PIK3C2G: variants seen among roughly 807,000 people sequenced by gnomAD.
PIK3C2G encodes phosphatidylinositol-4-phosphate 3-kinase catalytic subunit type 2 gamma.
Under a neutral mutation model 181.1 loss-of-function variants are expected in PIK3C2G, and 168 were observed. That is an observed-to-expected ratio of 0.93 (90% CI 0.82 to 1.05). PIK3C2G has a LOEUF of 1.05. Ranked by LOEUF, PIK3C2G falls within the 50% of genes least tolerant of loss-of-function variation. The probability of loss-of-function intolerance (pLI) is 0.00; values close to 1 mark genes in which losing one functional copy is unlikely to be tolerated. For synonymous variants in PIK3C2G, 573 were observed against 592.2 expected, an observed-to-expected ratio of 0.97 and a Z score of 0.47; for missense variants, 1,869 against 1,732.8, an observed-to-expected ratio of 1.08 and a Z score of -1.40.
Position 18,503,346 on chromosome 12 carries a change from G to A in PIK3C2G, c.3082G>A (p.Gly1028Arg). Residue 1028 changes from glycine to arginine, a missense_variant, in exon 23 of 33, where the codon GGA becomes AGA. Coordinates refer to ENST00000538779, the MANE Select transcript of PIK3C2G (RefSeq NM_001288772.2). ...AKIHRHSGLIGPLKENTIKKW... is the reference protein window; with the variant it reads ...AKIHRHSGLIRPLKENTIKKW... ...GATTCATCGCCATTCTGGACTGATA[G>A]GACCATTGAAAGAAAATACAATTAA... is the stretch of plus-strand genomic sequence containing the variant. The A allele has an allele frequency of 6.2e-7, 1 of 1,610,894 alleles. No homozygotes were observed. Among genetic ancestry groups the A allele is most frequent in the Non-Finnish European group, 8.5e-7 (1 of 1,177,546 alleles).
In PIK3C2G at chr12:18,399,696, C is replaced by T. The variant is rs200787716; in HGVS notation, c.2164C>T (p.Arg722Cys). Residue 722 changes from arginine (R) to cysteine (C), a missense_variant, in exon 16 of 33, where the codon CGC (arginine) becomes TGC (cysteine). Coordinates refer to ENST00000538779, the MANE Select transcript of PIK3C2G (RefSeq NM_001288772.2). ...EEKKRYLWFY[R>C]FYCNNENCSL... The stretch of plus-strand genomic sequence containing the variant: ...AAAGAAAAGATATTTATGGTTTTAT[C>T]GCTTCTACTGCAATAATGAAAACTG... The T allele has an allele frequency of 3.8e-6, 6 of 1,588,586 alleles. No individual in the cohort carries two copies. The highest frequency in any genetic ancestry group is 3.4e-5 in the Admixed American group (2 of 59,152).
At chr12:18,676,805 G>T in the PIK3C2G span, among the ~76,000 whole-genome samples, 1 of 152,136 alleles carries the variant, frequency 6.6e-6, no homozygotes. Context: ...AGAAGGGAAA[G>T]ATTATGCTAG....
chr12:18,678,227 C>T, the PIK3C2G span, among the ~76,000 whole-genome samples: 2 of 152,062 alleles, frequency 1.3e-5, no homozygotes, highest in African/African-American at 4.8e-5. Context: ...TGTTAGAACA[C>T]ACATTGTCAC....
the PIK3C2G span, among the ~76,000 whole-genome samples, chr12:18,676,398 T>C: frequency 2.6e-5 from 4 of 152,216 alleles, no homozygotes; most frequent in African/African-American, 9.6e-5. Flanking sequence ...GATGTCCCTT[T>C]AGCAAACTGA....
rs543536009 is a variant in PIK3C2G, at chr12:18,420,079, G to C, written c.2316-862G>C. On this transcript the variant is annotated intron_variant, in intron 16 of 32. Transcript: ENST00000538779. ...AAATTACTATAAGCAGTTCCTTCAC[G>C]TTTTAAATTATGCTTGTTAATTTTT... 2.9e-3 allele frequency among the ~76,000 whole-genome samples: 434 copies of C among 152,082 alleles called. 2 individuals carry two copies. The highest frequency in any genetic ancestry group is 3.7e-3 in the Non-Finnish European group (249 of 67,960).
chr12:18,605,600 T>C (rs1371451831), intron 30 of PIK3C2G, among the ~76,000 whole-genome samples: 1 of 152,184 alleles, frequency 6.6e-6, no homozygotes, highest in Non-Finnish European at 1.5e-5. Context: ...TACAGACCTA[T>C]ATCCTTGATG....
chr12:18,430,884 G>A (rs1946117708), intron 18 of PIK3C2G, among the ~76,000 whole-genome samples: 3 of 152,276 alleles, frequency 2.0e-5, no homozygotes, highest in South Asian at 4.1e-4. Flanking sequence ...GGTATTAAAT[G>A]ACCATATCCT....
intron 16 of PIK3C2G, among the ~76,000 whole-genome samples, chr12:18,412,946 T>C (rs1039365212): frequency 3.3e-5 from 5 of 152,160 alleles, no homozygotes; most frequent in Admixed American, 1.3e-4. Flanking sequence ...TGTTTTACCC[T>C]ACATTGTTGG....
intron 20 of PIK3C2G, among the ~76,000 whole-genome samples, chr12:18,492,140 T>C (rs1457111608): frequency 6.6e-6 from 1 of 152,224 alleles, no homozygotes; most frequent in African/African-American, 2.4e-5. Context: ...CACACTTCTC[T>C]GACTTAGAAT....
chr12:18,262,070 C>T (rs940203602), intron 1 of PIK3C2G, among the ~76,000 whole-genome samples: 1 of 152,040 alleles, frequency 6.6e-6, no homozygotes, highest in Non-Finnish European at 1.5e-5. Context: ...CATATGGGAT[C>T]CAAACTAGAA....
upstream of PIK3C2G, among the ~76,000 whole-genome samples, chr12:18,258,418 C>A (rs1191360323): frequency 3.3e-5 from 5 of 151,998 alleles, no homozygotes; most frequent in African/African-American, 1.2e-4. Context: ...TTTTGGTATC[C>A]TTTGACCAAC....
At chr12:18,310,201 A>ATTG (rs1165261762) in intron 5 of PIK3C2G, among the ~76,000 whole-genome samples, 2 of 151,900 alleles carry the variant, frequency 1.3e-5, no homozygotes, top group African/African-American at 4.8e-5. Context: ...AGAATTTGCT[A>ATTG]CACATTTAAG....
chr12:18,585,734 A>G (rs988120684), intron 29 of PIK3C2G, among the ~76,000 whole-genome samples: 13 of 152,228 alleles, frequency 8.5e-5, no homozygotes, highest in African/African-American at 3.1e-4. Context: ...CCCAAAAACA[A>G]CAGAACATAC....
At position 18,538,180 on chromosome 12, in the gene PIK3C2G, T is replaced by C. The variant is rs763880406; in HGVS notation, c.3348T>C (p.Thr1116=). 7.4e-6 allele frequency: 12 copies of C among 1,611,704 alleles called. No homozygotes were observed. The highest frequency in any genetic ancestry group is 1.0e-5 in the Non-Finnish European group (12 of 1,178,886). The change falls in exon 25 of 33, where the codon ACT becomes ACC. Residue 1116 remains threonine, a synonymous_variant. Transcript: ENST00000538779. ...IKRDRAPFIF[T]SEMEYFITEG... is the part of the protein sequence containing the mutation. ...GGGACCGAGCTCCTTTCATTTTTAC[T>C]TCAGAGATGGAATACTTTATTACAG...
At chr12:18,542,737 T>C (rs1406423976) in intron 25 of PIK3C2G, among the ~76,000 whole-genome samples, 1 of 151,922 alleles carries the variant, frequency 6.6e-6, no homozygotes, top group Non-Finnish European at 1.5e-5. Context: ...AAAGACATGA[T>C]CTCATTTTTT....
chr12:18,486,742 C>T (rs1412842309), intron 18 of PIK3C2G, among the ~76,000 whole-genome samples: 3 of 151,950 alleles, frequency 2.0e-5, no homozygotes, highest in Non-Finnish European at 4.4e-5. Context: ...AATACTCCAT[C>T]GATCCACTCC....
chr12:18,467,073 A>G (rs1219569287), intron 18 of PIK3C2G, among the ~76,000 whole-genome samples: 1 of 152,054 alleles, frequency 6.6e-6, no homozygotes, highest in Non-Finnish European at 1.5e-5. Flanking sequence ...TAAATTCTAA[A>G]TAACTTTACT....
the PIK3C2G span, among the ~76,000 whole-genome samples, chr12:18,710,402 AT>A: frequency 6.6e-6 from 1 of 152,150 alleles, no homozygotes; most frequent in South Asian, 2.1e-4. Flanking sequence ...GGAGGCCAGA[AT>A]GGCCAAGTGA....
At chr12:18,424,441 A>G (rs1282125251) in intron 18 of PIK3C2G, among the ~76,000 whole-genome samples, 1 of 152,214 alleles carries the variant, frequency 6.6e-6, no homozygotes, top group African/African-American at 2.4e-5. Flanking sequence ...AAACCATAAA[A>G]TTCAAAGGCT....
Sources: gnomAD v4.1 joint callset for allele counts (sites outside exome capture counted in the v4.1 genomes callset) on GRCh38, gnomAD v4.1.1 for gene constraint, MANE v1.5 for transcripts, NCBI Gene and HGNC (gene_info 2026-07-23, HGNC 2026-07-21) for gene names.